Variants in TIFAB observed in about 807,000 individuals in gnomAD.
TIFAB encodes TRAF-interacting protein with FHA domain-containing protein B.
For missense variants in TIFAB, 222 were observed against 203.6 expected (o/e 1.09, Z -0.55); for synonymous variants, 116 against 95.2 (o/e 1.22, Z -1.27).
Position 135,444,439 on chromosome 5 carries a change from G to A in TIFAB, c.*5015C>T, listed in dbSNP as rs575198464. 2.3e-4 allele frequency: 35 copies of A among 152,394 alleles called. No homozygotes were observed. Among genetic ancestry groups the A allele is most frequent in the African/African-American group, 7.0e-4 (29 of 41,588 alleles). 9.4% of individuals were successfully genotyped at this position (152,394 alleles called of 1,614,324 possible). Reference sequence around the variant, plus strand: ...AGGTTAGGCTGCCACCATGAGGGAAGCTGGAGGGAGGACCTGTTAACCTCA... The same window carrying A: ...AGGTTAGGCTGCCACCATGAGGGAAACTGGAGGGAGGACCTGTTAACCTCA... On this transcript the variant is annotated 3_prime_UTR_variant, in exon 2 of 2. Coordinates refer to ENST00000537858, the MANE Select transcript of TIFAB (RefSeq NM_001099221.2).
Position 135,447,458 on chromosome 5 carries a change from T to C in TIFAB, c.*1996A>G. The C allele has an allele frequency of 3.3e-6, 1 of 301,648 alleles. No individual in the cohort carries two copies. The highest frequency in any genetic ancestry group is 6.2e-6 in the Non-Finnish European group (1 of 162,158). 18.7% of individuals were successfully genotyped at this position (301,648 alleles called of 1,614,324 possible). On this transcript the variant is annotated 3_prime_UTR_variant, in exon 2 of 2. Transcript: ENST00000537858. ...CCCTTATTAAGTGTGTGCTGGGCACTGATTGAATGCTTTACAGGTGTCACC... is the reference window on the plus strand; with the variant it reads ...CCCTTATTAAGTGTGTGCTGGGCACCGATTGAATGCTTTACAGGTGTCACC...
At chr5:135,451,489 T>C (rs1166916974) in intron 1 of TIFAB, among the ~76,000 whole-genome samples, 1 of 151,148 alleles carries the variant, frequency 6.6e-6, no homozygotes, top group Non-Finnish European at 1.5e-5. Flanking sequence ...TTTTTTCTTT[T>C]TTTTTTTTTT....
rs576634734 is a variant in TIFAB, at chr5:135,447,539, C to T, written c.*1915G>A. On this transcript the variant is annotated 3_prime_UTR_variant, in exon 2 of 2. Transcript: ENST00000537858. ...TACTATTATCTTACCCATTTTCCAG[C>T]GGGAGAAATAGAGGCAAGAGCAGAC... 17 of 178,572 alleles carry T rather than the reference C, an allele frequency of 9.5e-5. 1 individual carries two copies. The highest frequency in any genetic ancestry group is 6.0e-4 in the South Asian group (5 of 8,272). The allele number at this position is 178,572 out of a possible 1,614,324, so 11.1% of individuals were successfully genotyped here. A position where few individuals can be genotyped will look rare whatever the true frequency, so the allele number is the denominator to read the frequency against.
In TIFAB at chr5:135,449,331, A is replaced by C. The variant is rs1410441519; in HGVS notation, c.*123T>G. ...GGCTTGCTCTAGTGGCAGGGCTAGC[A>C]GAGTGCACTGTCTGGGGGTTCCCTC... On this transcript the variant is annotated 3_prime_UTR_variant, in exon 2 of 2. Transcript: ENST00000537858. The C allele has an allele frequency of 2.2e-6, 3 of 1,348,912 alleles. No homozygotes were observed. Among genetic ancestry groups the C allele is most frequent in the Non-Finnish European group, 3.0e-6 (3 of 999,792 alleles). The allele number at this position is 1,348,912 out of a possible 1,614,324, so 83.6% of individuals were successfully genotyped here. A position where few individuals can be genotyped will look rare whatever the true frequency, so the allele number is the denominator to read the frequency against.
chr5:135,449,426 T>G lies in TIFAB; in HGVS notation c.*28A>C. 7 of 1,608,426 alleles carry G rather than the reference T, an allele frequency of 4.4e-6. No individual in the cohort carries two copies. Among genetic ancestry groups the G allele is most frequent in the Non-Finnish European group, 5.1e-6 (6 of 1,177,244 alleles). On this transcript the variant is annotated 3_prime_UTR_variant, in exon 2 of 2. Transcript: ENST00000537858. Reference sequence around the variant, plus strand: ...GCTGTCCCAAGTCTGGGAAGGGCCGTGGAGAAACCCCAGGCAACCTGGATC... The same window carrying G: ...GCTGTCCCAAGTCTGGGAAGGGCCGGGGAGAAACCCCAGGCAACCTGGATC...
At position 135,446,393 on chromosome 5, in the gene TIFAB, G is replaced by C; in HGVS notation, c.*3061C>G. ...ACATGTTCACTCAGGCACGTGGGCTGCCCTGCGGTGGGAGCTGAGAGAATG... is the reference window on the plus strand; with the variant it reads ...ACATGTTCACTCAGGCACGTGGGCTCCCCTGCGGTGGGAGCTGAGAGAATG... On this transcript the variant is annotated 3_prime_UTR_variant, in exon 2 of 2. Transcript: ENST00000537858. 6.2e-7 allele frequency: 1 copy of C among 1,606,516 alleles called. No homozygotes were observed. Among genetic ancestry groups the C allele is most frequent in the Non-Finnish European group, 8.5e-7 (1 of 1,174,306 alleles).
At position 135,449,919 on chromosome 5, in the gene TIFAB, G is replaced by T. The variant is rs1769337590; in HGVS notation, c.21C>A (p.Val7=). The T allele has an allele frequency of 6.6e-7, 1 of 1,523,472 alleles. No homozygotes were observed. Among genetic ancestry groups the T allele is most frequent in the Non-Finnish European group, 8.8e-7 (1 of 1,135,142 alleles). 94.4% of individuals were successfully genotyped at this position (1,523,472 alleles called of 1,614,324 possible). The change falls in exon 2 of 2, where the codon GTC becomes GTA. Residue 7 remains valine, a synonymous_variant. Coordinates refer to ENST00000537858, the MANE Select transcript of TIFAB (RefSeq NM_001099221.2). MEKPLT[V]LRVSLYHPTL... ...TGGGATGGTACAGGCTCACTCGCAG[G>T]ACGGTGAGGGGCTTCTCCATGGAAG... is the stretch of plus-strand genomic sequence containing the variant.
intron 1 of TIFAB, among the ~76,000 whole-genome samples, chr5:135,451,747 G>A (rs1298450526): frequency 6.6e-6 from 1 of 152,164 alleles, no homozygotes; most frequent in Non-Finnish European, 1.5e-5. Flanking sequence ...ACCTTCCAAA[G>A]TGCTGGGATT....
rs546746451 is a variant in TIFAB, at chr5:135,449,914, C to T, written c.26G>A (p.Arg9Gln). 10 of 1,526,578 alleles carry T rather than the reference C, an allele frequency of 6.6e-6. No homozygotes were observed. The highest frequency in any genetic ancestry group is 8.8e-6 in the Non-Finnish European group (10 of 1,136,446). 94.6% of individuals were successfully genotyped at this position (1,526,578 alleles called of 1,614,324 possible). Reference protein sequence around the residue: MEKPLTVLRVSLYHPTLGP... With the variant: MEKPLTVLQVSLYHPTLGP... ...CAGCGTGGGATGGTACAGGCTCACT[C>T]GCAGGACGGTGAGGGGCTTCTCCAT... The change falls in exon 2 of 2, where the codon CGA becomes CAA. Residue 9 changes from arginine (R) to glutamine (Q), a missense_variant. Arg to Gln is a conservative substitution (Grantham distance 43, BLOSUM62 1). Coordinates refer to ENST00000537858, the MANE Select transcript of TIFAB (RefSeq NM_001099221.2).
At position 135,447,110 on chromosome 5, in the gene TIFAB, G is replaced by T. The variant is rs377763391; in HGVS notation, c.*2344C>A. The T allele has an allele frequency of 1.1e-4, 172 of 1,613,912 alleles. No individual in the cohort carries two copies. The highest frequency in any genetic ancestry group is 1.4e-4 in the Non-Finnish European group (168 of 1,179,918). On this transcript the variant is annotated 3_prime_UTR_variant, in exon 2 of 2. Coordinates refer to ENST00000537858, the MANE Select transcript of TIFAB (RefSeq NM_001099221.2). Reference sequence around the variant, plus strand: ...GTGGGTTGCTGCTCCGTAATGCATAGTTGGGGGACCATTTTGGTCAGTGAC... The same window carrying T: ...GTGGGTTGCTGCTCCGTAATGCATATTTGGGGGACCATTTTGGTCAGTGAC...
Position 135,449,776 on chromosome 5 carries a change from C to T in TIFAB, c.164G>A (p.Arg55His), listed in dbSNP as rs780767266. The T allele has an allele frequency of 1.7e-5, 27 of 1,612,136 alleles. No homozygotes were observed. Among genetic ancestry groups the T allele is most frequent in the African/African-American group, 5.3e-5 (4 of 74,870 alleles). Residue 55 changes from arginine (R) to histidine (H), a missense_variant, in exon 2 of 2, where the codon CGC (arginine) becomes CAC (histidine). Physicochemically the swap from Arg to His is conservative, Grantham distance 29. Transcript: ENST00000537858. ...GTAGGGCTCCAGGGACAGGTGACGG[C>T]GGGAGAGGCGAGGGAGCTGCAGCTG... ...HLQLQLPRLS[R>H]RHLSLEPYLE...
At position 135,445,360 on chromosome 5, in the gene TIFAB, T is replaced by C. The variant is rs913903252; in HGVS notation, c.*4094A>G. On this transcript the variant is annotated 3_prime_UTR_variant, in exon 2 of 2. Coordinates refer to ENST00000537858, the MANE Select transcript of TIFAB (RefSeq NM_001099221.2). Reference sequence around the variant, plus strand: ...GGTCTGCGCTGCCCCAGCCAGAGGGTCTGTGCTGTCCCTGCTGAGGCCTAC... The same window carrying C: ...GGTCTGCGCTGCCCCAGCCAGAGGGCCTGTGCTGTCCCTGCTGAGGCCTAC... 4 of 152,268 alleles carry C rather than the reference T, an allele frequency of 2.6e-5. No homozygotes were observed. Among genetic ancestry groups the C allele is most frequent in the African/African-American group, 9.7e-5 (4 of 41,424 alleles). The allele number at this position is 152,268 out of a possible 1,614,324, so 9.4% of individuals were successfully genotyped here. A position where few individuals can be genotyped will look rare whatever the true frequency, so the allele number is the denominator to read the frequency against.
rs915868650 is a variant in TIFAB, at chr5:135,447,229, A to G, written c.*2225T>C. 199 of 1,223,346 alleles carry G rather than the reference A, an allele frequency of 1.6e-4. 2 individuals carry two copies. The highest frequency in any genetic ancestry group is 2.4e-4 in the Middle Eastern group (1 of 4,246). 75.8% of individuals were successfully genotyped at this position (1,223,346 alleles called of 1,614,324 possible). ...ATCTCCCATTATACTAACCCTGCCT[A>G]TTGGACCTTCTGATGCAAGGAGCAG... On this transcript the variant is annotated 3_prime_UTR_variant, in exon 2 of 2. Transcript: ENST00000537858.
intron 1 of TIFAB, among the ~76,000 whole-genome samples, chr5:135,450,207 A>G (rs1400854309): frequency 6.6e-6 from 1 of 152,340 alleles, no homozygotes; most frequent in East Asian, 1.9e-4. Context: ...GTCCTTGTCT[A>G]TGCAAGGGAT....
chr5:135,446,105 G>T lies in TIFAB; in HGVS notation c.*3349C>A. Reference sequence around the variant, plus strand: ...CCTTATGTCTGGGTGCCTTAAATTTGTGATGCCTCAAACTGACCTTCACAA... The same window carrying T: ...CCTTATGTCTGGGTGCCTTAAATTTTTGATGCCTCAAACTGACCTTCACAA... On this transcript the variant is annotated 3_prime_UTR_variant, in exon 2 of 2. Transcript: ENST00000537858. 3.0e-6 allele frequency: 1 copy of T among 330,604 alleles called. No individual in the cohort carries two copies. Among genetic ancestry groups the T allele is most frequent in the Non-Finnish European group, 5.5e-6 (1 of 180,804 alleles). The allele number at this position is 330,604 out of a possible 1,614,324, so 20.5% of individuals were successfully genotyped here. A position where few individuals can be genotyped will look rare whatever the true frequency, so the allele number is the denominator to read the frequency against.
At position 135,449,901 on chromosome 5, in the gene TIFAB, G is replaced by A; in HGVS notation, c.39C>T (p.Tyr13=). The change falls in exon 2 of 2, where the codon TAC becomes TAT. Residue 13 remains tyrosine (Y), a synonymous_variant. Coordinates refer to ENST00000537858, the MANE Select transcript of TIFAB (RefSeq NM_001099221.2). ...AGGCAGATGGGCCCAGCGTGGGATG[G>A]TACAGGCTCACTCGCAGGACGGTGA... ...KPLTVLRVSL[Y]HPTLGPSAFA... 1 of 1,537,972 alleles carries A rather than the reference G, an allele frequency of 6.5e-7. No individual in the cohort carries two copies. The highest frequency in any genetic ancestry group is 2.3e-5 in the East Asian group (1 of 44,138).
In TIFAB at chr5:135,448,138, T is replaced by C. The variant is rs1174035992; in HGVS notation, c.*1316A>G. 6.6e-6 allele frequency: 1 copy of C among 152,170 alleles called. No homozygotes were observed. The highest frequency in any genetic ancestry group is 1.5e-5 in the Non-Finnish European group (1 of 68,034). 9.4% of individuals were successfully genotyped at this position (152,170 alleles called of 1,614,324 possible). On this transcript the variant is annotated 3_prime_UTR_variant, in exon 2 of 2. Transcript: ENST00000537858. ...TCTGTTTTCCTGATGGAGAAGATGC[T>C]CAGGGCCTGTGAGTGAAGTTGGACC...
intron 1 of TIFAB, among the ~76,000 whole-genome samples, chr5:135,451,442 C>T (rs1304191217): frequency 6.6e-6 from 1 of 152,104 alleles, no homozygotes; most frequent in African/African-American, 2.4e-5. Flanking sequence ...CCTCTACCCA[C>T]ACCCCATCTG....
chr5:135,446,690 G>A lies in TIFAB; in HGVS notation c.*2764C>T, dbSNP rs750028665. 1.8e-5 allele frequency: 29 copies of A among 1,613,668 alleles called. No homozygotes were observed. Among genetic ancestry groups the A allele is most frequent in the Admixed American group, 1.2e-4 (7 of 60,004 alleles). Reference sequence around the variant, plus strand: ...CGGTGAGACTGTGTGAACTGTGAACGGGTAGAGTCTGAAACTACAAACCAG... The same window carrying A: ...CGGTGAGACTGTGTGAACTGTGAACAGGTAGAGTCTGAAACTACAAACCAG... On this transcript the variant is annotated 3_prime_UTR_variant, in exon 2 of 2. Transcript: ENST00000537858.
Sources: allele counts gnomAD v4.1 joint callset (sites outside exome capture counted in the v4.1 genomes callset), GRCh38; gene constraint gnomAD v4.1.1; transcripts MANE v1.5; gene names NCBI Gene and HGNC (gene_info 2026-07-23, HGNC 2026-07-21).